ADCY2: variants seen among roughly 807,000 people sequenced by gnomAD.
The protein encoded by ADCY2 is adenylate cyclase type 2.
ADCY2 carries 31 observed loss-of-function variants against 125.2 expected under a neutral mutation model. The observed-to-expected ratio is 0.25, with a 90% CI of 0.19 to 0.33. The LOEUF is 0.33. ADCY2 is among the 10% of genes least tolerant of loss of function. The pLI, the probability that ADCY2 is intolerant of heterozygous loss-of-function variation, is 1.00. For missense variants in ADCY2, 904 were observed against 1,418.2 expected, an observed-to-expected ratio of 0.64 and a Z score of 5.82; for synonymous variants, 512 against 548.4, an observed-to-expected ratio of 0.93 and a Z score of 0.93.
At chr5:7,804,519 C>G in intron 21 of ADCY2, 66 bp from the exon 22 acceptor site, 1 of 1,214,514 alleles carries the variant, frequency 8.2e-7, no homozygotes, top group Non-Finnish European at 1.2e-6. Flanking sequence ...GAGAATGTCT[C>G]TATAAAATGC....
At chr5:7,724,890 T>A (rs1741886797) in intron 13 of ADCY2, among the ~76,000 whole-genome samples, 1 of 152,170 alleles carries the variant, frequency 6.6e-6, no homozygotes, top group African/African-American at 2.4e-5. Flanking sequence ...ATGAAAGATG[T>A]GGGAGATATC....
At chr5:7,652,838 C>T (rs935965241) in intron 4 of ADCY2, among the ~76,000 whole-genome samples, 6 of 152,164 alleles carry the variant, frequency 3.9e-5, no homozygotes, top group African/African-American at 1.4e-4. Context: ...TGCTCTGTGG[C>T]GTGCCCTGAC....
chr5:7,768,846 A>C (rs1743473899), intron 17 of ADCY2, among the ~76,000 whole-genome samples: 1 of 152,204 alleles, frequency 6.6e-6, no homozygotes, highest in African/African-American at 2.4e-5. Context: ...GTTGCCAAGG[A>C]AGCCCCAGGT....
chr5:7,677,488 C>T (rs532504036), intron 4 of ADCY2, among the ~76,000 whole-genome samples: 7 of 152,182 alleles, frequency 4.6e-5, no homozygotes, highest in African/African-American at 1.7e-4. Context: ...ATTCTGGAGT[C>T]CTGGCCTTAT....
intron 13 of ADCY2, among the ~76,000 whole-genome samples, chr5:7,725,910 T>G (rs144052858): frequency 6.6e-5 from 10 of 152,212 alleles, no homozygotes; most frequent in African/African-American, 2.4e-4. Flanking sequence ...CATGTACACA[T>G]ATTTGCAGAT....
At chr5:7,509,284 T>C (rs2126516523) in intron 2 of ADCY2, among the ~76,000 whole-genome samples, 1 of 152,198 alleles carries the variant, frequency 6.6e-6, no homozygotes, top group East Asian at 1.9e-4. Context: ...ATATGGTATA[T>C]GGATATTCAC....
At chr5:7,535,855 T>C (rs1488951013) in intron 3 of ADCY2, among the ~76,000 whole-genome samples, 2 of 152,194 alleles carry the variant, frequency 1.3e-5, no homozygotes, top group Non-Finnish European at 2.9e-5. Flanking sequence ...GTATCGTGGC[T>C]GGTGTGTGAT....
chr5:7,543,913 C>T (rs555990447), intron 3 of ADCY2, among the ~76,000 whole-genome samples: 1 of 147,524 alleles, frequency 6.8e-6, no homozygotes, highest in African/African-American at 2.5e-5. Context: ...ACTCGGGAGG[C>T]TGAGGCAGGA....
chr5:7,421,092 A>G (rs529808796), intron 2 of ADCY2, among the ~76,000 whole-genome samples: 10 of 152,166 alleles, frequency 6.6e-5, no homozygotes, highest in African/African-American at 2.2e-4. Context: ...CACCAGTCCC[A>G]CCGGAAGGAA....
At chr5:7,465,280 T>C (rs1328662867) in intron 2 of ADCY2, among the ~76,000 whole-genome samples, 1 of 152,234 alleles carries the variant, frequency 6.6e-6, no homozygotes, top group Non-Finnish European at 1.5e-5. Context: ...AGGTCTGTAG[T>C]TACCTGGGTC....
intron 3 of ADCY2, among the ~76,000 whole-genome samples, chr5:7,533,084 T>G (rs1734703139): frequency 6.7e-6 from 1 of 149,796 alleles, no homozygotes; most frequent in South Asian, 2.1e-4. Context: ...TATAAACATA[T>G]ATGTATATAT....
intron 1 of ADCY2, among the ~76,000 whole-genome samples, chr5:7,408,787 T>A (rs1739601639): frequency 6.6e-6 from 1 of 152,132 alleles, no homozygotes; most frequent in South Asian, 2.1e-4. Context: ...TGGTGGAGTG[T>A]AAATTAGTTC....
chr5:7,659,854 C>A (rs1739464317), intron 4 of ADCY2, among the ~76,000 whole-genome samples: 1 of 152,246 alleles, frequency 6.6e-6, no homozygotes, highest in South Asian at 2.1e-4. Flanking sequence ...GCTTTCCAAA[C>A]TGGTGTGCCT....
At chr5:7,743,440 T>C (rs572190379) in intron 14 of ADCY2, among the ~76,000 whole-genome samples, 27 of 152,312 alleles carry the variant, frequency 1.8e-4, no homozygotes, top group African/African-American at 6.3e-4. Flanking sequence ...CTGATGCTTC[T>C]GAGGCAGTTT....
At chr5:7,673,707 C>T (rs1304431610) in intron 4 of ADCY2, among the ~76,000 whole-genome samples, 2 of 152,298 alleles carry the variant, frequency 1.3e-5, no homozygotes, top group African/African-American at 2.4e-5. Flanking sequence ...GTTTAGAATG[C>T]AGCCCCGCAG....
chr5:7,432,772 A>G (rs1740651166), intron 2 of ADCY2, among the ~76,000 whole-genome samples: 1 of 152,232 alleles, frequency 6.6e-6, no homozygotes, highest in Non-Finnish European at 1.5e-5. Flanking sequence ...TGGCCAAGAC[A>G]TAGAGGGATG....
intron 1 of ADCY2, among the ~76,000 whole-genome samples, chr5:7,399,817 G>T (rs1579403907): frequency 6.6e-6 from 1 of 152,320 alleles, no homozygotes; most frequent in East Asian, 1.9e-4. Flanking sequence ...TGGCAATAAT[G>T]CTGGGCATGG....
At chr5:7,571,322 T>C (rs914185141) in intron 3 of ADCY2, among the ~76,000 whole-genome samples, 1 of 152,150 alleles carries the variant, frequency 6.6e-6, no homozygotes, top group Non-Finnish European at 1.5e-5. Flanking sequence ...GTCCTGTTTG[T>C]GTCCAAAAGC....
chr5:7,821,854 A>G (rs1222015346), intron 24 of ADCY2, among the ~76,000 whole-genome samples: 2 of 152,226 alleles, frequency 1.3e-5, no homozygotes, highest in Non-Finnish European at 2.9e-5. Context: ...GCTGCGTTCA[A>G]GAATTATCCT....
Sources: allele counts gnomAD v4.1 joint callset (sites outside exome capture counted in the v4.1 genomes callset), GRCh38; gene constraint gnomAD v4.1.1; transcripts MANE v1.5; gene names NCBI Gene and HGNC (gene_info 2026-07-23, HGNC 2026-07-21).